The following PACRG variants were observed in gnomAD, a reference collection of about 807,000 sequenced individuals.
PACRG encodes the protein parkin coregulated gene protein.
A neutral mutation model predicts 29.7 loss-of-function variants in PACRG; 29 were observed. That is an observed-to-expected ratio of 0.98 (90% CI 0.73 to 1.33). The LOEUF (loss-of-function observed/expected upper bound fraction) is 1.33. Ranked by LOEUF, PACRG falls within the 40% of genes most tolerant of loss-of-function variation. PACRG has a pLI of 0.00. For synonymous variants in PACRG, 116 were observed against 118.7 expected (o/e 0.98, Z 0.15); for missense variants, 279 against 316.2 (o/e 0.88, Z 0.89).
chr6:163,004,227 TA>T (rs1281327156), intron 2 of PACRG, among the ~76,000 whole-genome samples: 1 of 150,212 alleles, frequency 6.7e-6, no homozygotes, highest in Non-Finnish European at 1.5e-5. Flanking sequence ...TTAGCTATAA[TA>T]AATATATATT....
intron 2 of PACRG, among the ~76,000 whole-genome samples, chr6:162,836,408 C>T (rs990649668): frequency 2.0e-5 from 3 of 152,182 alleles, no homozygotes; most frequent in East Asian, 1.9e-4. Flanking sequence ...TTGCTTGGCG[C>T]GTTGGCCCAG....
At chr6:163,110,861 C>T (rs1278408612) in intron 4 of PACRG, among the ~76,000 whole-genome samples, 1 of 152,186 alleles carries the variant, frequency 6.6e-6, no homozygotes, top group East Asian at 1.9e-4. Context: ...TTACTGCTGT[C>T]TTCATAGCTT....
intron 2 of PACRG, among the ~76,000 whole-genome samples, chr6:162,852,799 C>T (rs755158661): frequency 4.5e-4 from 68 of 152,276 alleles, no homozygotes; most frequent in Middle Eastern, 3.4e-3. Flanking sequence ...TGAACTTATC[C>T]TGAGAATTAT....
chr6:162,874,139 TAAA>T (rs56159049), intron 2 of PACRG, among the ~76,000 whole-genome samples: 35 of 133,456 alleles, frequency 2.6e-4, no homozygotes, highest in Non-Finnish European at 3.6e-4. Flanking sequence ...ATGAGGGAGT[TAAA>T]AAAAAAAAAA....
At chr6:163,197,434 CTTTTTTTT>C (rs57942658) in intron 4 of PACRG, among the ~76,000 whole-genome samples, 7 of 106,240 alleles carry the variant, frequency 6.6e-5, no homozygotes, top group Admixed American at 4.2e-4. Context: ...CTTTTCTTTT[CTTTTTTTT>C]TTTTTTTTTT....
At chr6:163,230,527 A>G (rs1781981059) in intron 4 of PACRG, among the ~76,000 whole-genome samples, 1 of 152,212 alleles carries the variant, frequency 6.6e-6, no homozygotes, top group African/African-American at 2.4e-5. Context: ...GTGGAGTTTT[A>G]TAGTTTCGAC....
chr6:163,087,376 G>T (rs1340557574), intron 3 of PACRG, among the ~76,000 whole-genome samples: 2 of 150,640 alleles, frequency 1.3e-5, no homozygotes, highest in African/African-American at 4.9e-5. Flanking sequence ...TGGTGAAAAT[G>T]GAGACTGGGA....
chr6:162,891,055 G>A lies in PACRG; in HGVS notation c.291+76774G>A, dbSNP rs530490845. ...CAGGAAAGCCTTGTGATGCTCATAC[G>A]TGGTCCGATACTTGTATTTGGGGTG... On this transcript the variant is annotated intron_variant, in intron 2 of 4. Transcript: ENST00000366888. Among the ~76,000 whole-genome samples, 47 of 152,266 alleles carry A rather than the reference G, an allele frequency of 3.1e-4. 1 individual carries two copies. The South Asian group carries it at 6.8e-3, about 22-fold the overall frequency.
In PACRG at chr6:162,966,570, G is replaced by A. The variant is rs369034723; in HGVS notation, c.292-95580G>A. Among the ~76,000 whole-genome samples, 235 of 149,760 alleles carry A rather than the reference G, an allele frequency of 1.6e-3. 1 individual carries two copies. The highest frequency in any genetic ancestry group is 4.9e-3 in the African/African-American group (199 of 40,402). On this transcript the variant is annotated intron_variant, in intron 2 of 4. Coordinates refer to ENST00000366888, the MANE Select transcript of PACRG (RefSeq NM_001080379.2). ...CGGCTCACTGCAAGCTCCGCCTCCC[G>A]GGTTCATGCCATTCTCCTGCCTCAG...
chr6:162,837,050 A>C (rs1789288413), intron 2 of PACRG, among the ~76,000 whole-genome samples: 1 of 152,106 alleles, frequency 6.6e-6, no homozygotes, highest in Non-Finnish European at 1.5e-5. Context: ...GGTTGACCTG[A>C]TTCAGAGATG....
In PACRG at chr6:162,947,352, TATATATA is replaced by T. The variant is rs1562765680; in HGVS notation, c.292-114795_292-114789del. On this transcript the variant is annotated intron_variant, in intron 2 of 4. Coordinates refer to ENST00000366888, the MANE Select transcript of PACRG (RefSeq NM_001080379.2). ...TATAATCATATATATAATGATTACA[TATATATA>T]ATGTAATCATATATAATCATATATA... Among the ~76,000 whole-genome samples, 5 of 5,914 alleles carry T rather than the reference TATATATA, an allele frequency of 8.5e-4. 2 individuals are homozygous for T. In the Non-Finnish European group the frequency reaches 8.9e-3, roughly 10 times the overall value. The allele number at this position is 5,914 out of a possible 152,430, so 3.9% of individuals were successfully genotyped here.
At chr6:163,095,348 G>T in intron 4 of PACRG, 1 of 985,338 alleles carries the variant, frequency 1.0e-6, no homozygotes, top group Non-Finnish European at 1.2e-6. Flanking sequence ...CCCTGGTTGC[G>T]CCTGCCCGGA....
intron 2 of PACRG, among the ~76,000 whole-genome samples, chr6:163,010,686 C>G (rs573041936): frequency 6.6e-6 from 1 of 152,158 alleles, no homozygotes; most frequent in East Asian, 1.9e-4. Flanking sequence ...TAAATAGCAT[C>G]CACCAGGATT....
chr6:162,812,038 C>A (rs1786915356), intron 1 of PACRG, among the ~76,000 whole-genome samples: 1 of 152,006 alleles, frequency 6.6e-6, no homozygotes, highest in Non-Finnish European at 1.5e-5. Flanking sequence ...CTTGAAATAA[C>A]AAAATTATAG....
chr6:162,912,922 C>CAAAA (rs67714057), intron 2 of PACRG, among the ~76,000 whole-genome samples: 3 of 108,658 alleles, frequency 2.8e-5, no homozygotes, highest in Non-Finnish European at 4.2e-5. Flanking sequence ...AACAAACAAA[C>CAAAA]AAAAAAAAAA....
intron 2 of PACRG, among the ~76,000 whole-genome samples, chr6:162,969,204 GTACT>G (rs1225968873): frequency 6.6e-6 from 1 of 152,006 alleles, no homozygotes; most frequent in Non-Finnish European, 1.5e-5. Context: ...CAGAATAATG[GTACT>G]TACTGCTGAC....
rs1783751662 is a variant in PACRG, at chr6:163,269,972, AAAGAAAGAAAGAAAG to A, written c.614-44852_614-44838del. On this transcript the variant is annotated intron_variant, in intron 4 of 4. Transcript: ENST00000366888. ...GAAAGAAAGAAAGAAAGAAAGAAAG[AAAGAAAGAAAGAAAG>A]AAAGAAAGAAAGAAAGAAAGGAGGG... is the stretch of plus-strand genomic sequence containing the variant. 2.3e-5 allele frequency among the ~76,000 whole-genome samples: 2 copies of A among 88,064 alleles called. 1 individual carries two copies. Among genetic ancestry groups the A allele is most frequent in the Admixed American group, 2.0e-4 (2 of 9,856 alleles). 57.8% of individuals were successfully genotyped at this position (88,064 alleles called of 152,430 possible).
intron 2 of PACRG, among the ~76,000 whole-genome samples, chr6:163,054,466 C>T (rs892555024): frequency 6.6e-6 from 1 of 152,188 alleles, no homozygotes; most frequent in Admixed American, 6.5e-5. Flanking sequence ...TTTCAAGCCA[C>T]CTTGTCCATG....
intron 2 of PACRG, among the ~76,000 whole-genome samples, chr6:162,838,690 C>T (rs1789466066): frequency 6.6e-6 from 1 of 151,378 alleles, no homozygotes; most frequent in African/African-American, 2.4e-5. Context: ...GTGCTGCACC[C>T]ACTAACTGGT....
Sources: gnomAD v4.1 joint callset for allele counts (sites outside exome capture counted in the v4.1 genomes callset) on GRCh38, gnomAD v4.1.1 for gene constraint, MANE v1.5 for transcripts, NCBI Gene and HGNC (gene_info 2026-07-23, HGNC 2026-07-21) for gene names.